Variants in PDE7B observed in about 807,000 individuals in gnomAD.
PDE7B encodes 3',5'-cyclic-AMP phosphodiesterase 7B.
PDE7B carries 29 observed loss-of-function variants against 56.2 expected under a neutral mutation model. That is an observed-to-expected ratio of 0.52 (90% CI 0.38 to 0.70). The LOEUF is 0.70. Among genes scored for constraint, PDE7B ranks in the 30% least tolerant of loss-of-function variants. The pLI is 0.00. For synonymous variants in PDE7B, 197 were observed against 196.9 expected (o/e 1.00, Z 0.00); for missense variants, 490 against 565.0 (o/e 0.87, Z 1.35).
At position 136,074,321 on chromosome 6, in the gene PDE7B, T is replaced by C. The variant is rs568858164; in HGVS notation, c.83-34410T>C. ...TTTTTGTGGGCACATAGTAAGGGTA[T>C]ATATTTATGGGTACATGAGATATTT... On this transcript the variant is annotated intron_variant, in intron 2 of 12. Coordinates refer to ENST00000308191, the MANE Select transcript of PDE7B (RefSeq NM_018945.4). 7.2e-5 allele frequency among the ~76,000 whole-genome samples: 11 copies of C among 152,214 alleles called. No individual in the cohort carries two copies. The South Asian group carries it at 1.7e-3, about 23-fold the overall frequency.
intron 2 of PDE7B, among the ~76,000 whole-genome samples, chr6:136,046,105 G>A (rs1243726521): frequency 1.3e-5 from 2 of 151,978 alleles, no homozygotes; most frequent in African/African-American, 2.4e-5. Context: ...GAAGTCGATA[G>A]TTTGCTGAAG....
chr6:135,928,428 A>ATT (rs1413647715), intron 1 of PDE7B, among the ~76,000 whole-genome samples: 73 of 98,226 alleles, frequency 7.4e-4, no homozygotes, highest in African/African-American at 1.1e-3. Flanking sequence ...AGAAAATGTG[A>ATT]TTATATATAT....
intron 2 of PDE7B, among the ~76,000 whole-genome samples, chr6:135,982,112 C>A (rs1308475342): frequency 6.6e-6 from 1 of 152,106 alleles, no homozygotes; most frequent in African/African-American, 2.4e-5. Flanking sequence ...TCCTGACCCC[C>A]CCTCTTTCTA....
At chr6:135,928,107 A>T (rs908536935) in intron 1 of PDE7B, among the ~76,000 whole-genome samples, 12 of 152,084 alleles carry the variant, frequency 7.9e-5, no homozygotes, top group Admixed American at 5.9e-4. Context: ...ACCAGTCAGA[A>T]TGCCCATTGT....
chr6:135,884,564 C>T (rs1010455744), intron 1 of PDE7B, among the ~76,000 whole-genome samples: 3 of 152,142 alleles, frequency 2.0e-5, no homozygotes, highest in Admixed American at 6.6e-5. Context: ...CACTAGCATC[C>T]TGTACACCAA....
At chr6:135,984,247 T>A (rs992299417) in intron 2 of PDE7B, among the ~76,000 whole-genome samples, 1 of 152,216 alleles carries the variant, frequency 6.6e-6, no homozygotes, top group African/African-American at 2.4e-5. Flanking sequence ...TCGAAGTTAT[T>A]CATCGGAAGA....
rs1470905632 is a variant in PDE7B, at chr6:136,010,260, T to C, written c.82+62736T>C. On this transcript the variant is annotated intron_variant, in intron 2 of 12. Transcript: ENST00000308191. ...TTATTGTATTCTATTCTTATTGCGC[T>C]GTGGTCTGAGACTATGTTTGGTGTT... Among the ~76,000 whole-genome samples, 6 of 152,332 alleles carry C rather than the reference T, an allele frequency of 3.9e-5. No individual in the cohort carries two copies. The East Asian group carries it at 1.2e-3, about 29-fold the overall frequency.
chr6:136,131,651 T>C (rs1778121236), intron 3 of PDE7B, among the ~76,000 whole-genome samples: 1 of 152,150 alleles, frequency 6.6e-6, no homozygotes, highest in Non-Finnish European at 1.5e-5. Context: ...TGAATTTCTT[T>C]GTATAATAAC....
intron 2 of PDE7B, among the ~76,000 whole-genome samples, chr6:136,074,246 C>T (rs114339369): frequency 0.013 from 1,963 of 147,456 alleles, 37 homozygotes; most frequent in African/African-American, 0.047. Flanking sequence ...AAAAAAAAGG[C>T]GGGGGGGATT....
chr6:136,037,965 A>AG, intron 2 of PDE7B: 2 of 1,217,760 alleles, frequency 1.6e-6, no homozygotes, highest in Middle Eastern at 2.3e-4. Context: ...CAGAGAGAGG[A>AG]GGGGAAAAAA....
At position 135,851,847 on chromosome 6, in the gene PDE7B, TC is replaced by T. The variant is rs1167135228; in HGVS notation, c.-150del. On this transcript the variant is annotated 5_prime_UTR_variant, in exon 1 of 13. Transcript: ENST00000308191. The stretch of plus-strand genomic sequence containing the variant: ...TGCTTTTGTGTTTCTTTATTTCTTT[TC>T]CTTTTTTTTCTTTTTTTTTTTTTGT... 12 of 651,610 alleles carry T rather than the reference TC, an allele frequency of 1.8e-5. No individual in the cohort carries two copies. Among genetic ancestry groups the T allele is most frequent in the Non-Finnish European group, 8.2e-6 (3 of 364,802 alleles). 40.4% of individuals were successfully genotyped at this position (651,610 alleles called of 1,614,324 possible). A position where few individuals can be genotyped will look rare whatever the true frequency, so the allele number is the denominator to read the frequency against.
rs913677399 is a variant in PDE7B at position 136,191,896 on chromosome 6, G to A, written c.*56G>A. The A allele has an allele frequency of 1.0e-5, 14 of 1,346,516 alleles. No homozygotes were observed. Among genetic ancestry groups the A allele is most frequent in the Middle Eastern group, 2.5e-4 (1 of 3,970 alleles). 83.4% of individuals were successfully genotyped at this position (1,346,516 alleles called of 1,614,324 possible). Reference sequence around the variant, plus strand: ...CCGGCAGGGCCCCCAGAGGGCAGAAGCAGCGTGGAGGGGCCCTCACGCAGC... The same window carrying A: ...CCGGCAGGGCCCCCAGAGGGCAGAAACAGCGTGGAGGGGCCCTCACGCAGC... On this transcript the variant is annotated 3_prime_UTR_variant, in exon 13 of 13. Transcript: ENST00000308191.
intron 2 of PDE7B, 132 bp downstream of exon 2, chr6:135,947,656 G>A: frequency 1.5e-6 from 1 of 665,358 alleles, no homozygotes; most frequent in Non-Finnish European, 2.7e-6. Context: ...TATGCAGACA[G>A]CTATAACACA....
chr6:135,962,728 C>A (rs564027393), intron 2 of PDE7B, among the ~76,000 whole-genome samples: 4 of 152,044 alleles, frequency 2.6e-5, no homozygotes, highest in Non-Finnish European at 5.9e-5. Context: ...TTAAGGTAAC[C>A]ACTACACCAG....
At chr6:136,028,917 A>G (rs1404847146) in intron 2 of PDE7B, among the ~76,000 whole-genome samples, 6 of 152,222 alleles carry the variant, frequency 3.9e-5, no homozygotes, top group Admixed American at 6.5e-5. Flanking sequence ...CCTACTATAC[A>G]TAATGTCAGA....
At chr6:135,896,299 C>G (rs983454968) in intron 1 of PDE7B, among the ~76,000 whole-genome samples, 52 of 152,162 alleles carry the variant, frequency 3.4e-4, no homozygotes, top group African/African-American at 1.2e-3. Context: ...CATACACGAA[C>G]AGGTTGAGGA....
intron 1 of PDE7B, among the ~76,000 whole-genome samples, chr6:135,918,943 C>T (rs559313435): frequency 1.9e-4 from 29 of 152,136 alleles, no homozygotes; most frequent in Non-Finnish European, 3.5e-4. Flanking sequence ...ATTTCCTCTG[C>T]GGTATTATGG....
chr6:136,182,828 C>T (rs1170171030), intron 11 of PDE7B, among the ~76,000 whole-genome samples: 1 of 152,170 alleles, frequency 6.6e-6, no homozygotes, highest in Non-Finnish European at 1.5e-5. Context: ...AATCCCAGCA[C>T]TTTGGGAGGC....
At chr6:136,028,590 A>G (rs535215359) in intron 2 of PDE7B, among the ~76,000 whole-genome samples, 218 of 152,244 alleles carry the variant, frequency 1.4e-3, no homozygotes, top group African/African-American at 5.1e-3. Context: ...TGCCTTTTTT[A>G]TCTTTGAGAG....
Sources: allele counts gnomAD v4.1 joint callset (sites outside exome capture counted in the v4.1 genomes callset), GRCh38; gene constraint gnomAD v4.1.1; transcripts MANE v1.5; gene names NCBI Gene and HGNC (gene_info 2026-07-23, HGNC 2026-07-21).